MFSD11: variants seen among roughly 807,000 people sequenced by gnomAD.
MFSD11 encodes the protein major facilitator superfamily domain containing 11.
MFSD11 carries 36 observed loss-of-function variants against 53.5 expected under a neutral mutation model. That is an observed-to-expected ratio of 0.67 (90% CI 0.52 to 0.89). The LOEUF (loss-of-function observed/expected upper bound fraction) is 0.89. Ranked by LOEUF, MFSD11 falls within the 40% of genes least tolerant of loss-of-function variation. The pLI is 0.00. For synonymous variants in MFSD11, 186 were observed against 184.9 expected, an observed-to-expected ratio of 1.01 and a Z score of -0.05; for missense variants, 530 against 543.9, an observed-to-expected ratio of 0.97 and a Z score of 0.25.
intron 8 of MFSD11, among the ~76,000 whole-genome samples, chr17:76,756,122 A>ATTT (rs112392636): frequency 9.6e-6 from 1 of 103,760 alleles, no homozygotes. Flanking sequence ...CTGCACCCAG[A>ATTT]TTTTTTTTTT....
At chr17:76,743,557 AC>A (rs902174237) in intron 6 of MFSD11, 101 bp downstream of exon 6, 1 of 635,042 alleles carries the variant, frequency 1.6e-6, no homozygotes, top group African/African-American at 1.9e-5. Flanking sequence ...GTTCTCATGA[AC>A]CCCGACACCT....
At chr17:76,744,258 AC>A in intron 6 of MFSD11, 63 bp from the exon 7 acceptor site, 1 of 1,505,072 alleles carries the variant, frequency 6.6e-7, no homozygotes, top group Non-Finnish European at 8.9e-7. Context: ...CAGCCCTTGT[AC>A]CGTGATACTA....
At chr17:76,757,788 A>C (rs2079800361) in intron 8 of MFSD11, among the ~76,000 whole-genome samples, 1 of 152,070 alleles carries the variant, frequency 6.6e-6, no homozygotes, top group Non-Finnish European at 1.5e-5. Flanking sequence ...AGGCAGGTGG[A>C]TCACGAGGTC....
At chr17:76,781,286 G>A (rs571596253), downstream of MFSD11, 3 of 152,304 alleles carry the variant, frequency 2.0e-5, no homozygotes, top group East Asian at 1.9e-4. Flanking sequence ...ATCATGCTAC[G>A]GAGTAGTCCT....
At chr17:76,755,746 A>G (rs1018667956) in intron 8 of MFSD11, among the ~76,000 whole-genome samples, 11 of 125,794 alleles carry the variant, frequency 8.7e-5, no homozygotes, top group Non-Finnish European at 1.7e-4. Flanking sequence ...ATATGTATAT[A>G]TATGTGTATA....
downstream of MFSD11, among the ~76,000 whole-genome samples, chr17:76,780,416 T>C (rs1372558427): frequency 2.6e-5 from 4 of 151,930 alleles, no homozygotes; most frequent in Non-Finnish European, 5.9e-5. Flanking sequence ...GTGATCTTCT[T>C]GCCATGGCCT....
In MFSD11 at chr17:76,738,220, C is replaced by T; in HGVS notation, c.-133C>T. ...TTCCGATCCAGGAACTGGAAGTTGA[C>T]AGCTTGGCTGCCTGGCTCCTGCATC... On this transcript the variant is annotated 5_prime_UTR_variant, in exon 1 of 13. Coordinates refer to ENST00000685175, the MANE Select transcript of MFSD11 (RefSeq NM_001242532.5). 1.6e-6 allele frequency: 1 copy of T among 640,912 alleles called. No homozygotes were observed. The highest frequency in any genetic ancestry group is 2.8e-6 in the Non-Finnish European group (1 of 362,268). 39.7% of individuals were successfully genotyped at this position (640,912 alleles called of 1,614,324 possible).
downstream of MFSD11, among the ~76,000 whole-genome samples, chr17:76,785,529 A>G (rs549090851): frequency 2.0e-5 from 3 of 152,074 alleles, no homozygotes; most frequent in South Asian, 6.2e-4. Context: ...TTGTAAAGAC[A>G]GGGTTTCACC....
chr17:76,737,300 G>C (rs1159844361), upstream of MFSD11: 6 of 1,199,738 alleles, frequency 5.0e-6, no homozygotes, highest in African/African-American at 4.6e-5. Context: ...GCACGGACGG[G>C]CTCCGCAGGC....
At chr17:76,761,973 A>G (rs1049335561) in intron 8 of MFSD11, among the ~76,000 whole-genome samples, 9 of 152,110 alleles carry the variant, frequency 5.9e-5, no homozygotes, top group Non-Finnish European at 1.3e-4. Flanking sequence ...TAATCAATCT[A>G]AAGAATCCAT....
Position 76,738,949 on chromosome 17 carries a change from C to T in MFSD11, c.108C>T (p.Ile36=). ...QTCGNVAQTV[I]RSLNRTDFHG... is the part of the protein sequence containing the mutation. ...TATCTTCCACACAGCAAACTGTCATCAGGAGCTTAAATAGGACAGATTTTC... is the reference window on the plus strand; with the variant it reads ...TATCTTCCACACAGCAAACTGTCATTAGGAGCTTAAATAGGACAGATTTTC... Residue 36 remains isoleucine, a synonymous_variant, in exon 2 of 13, where the codon ATC becomes ATT. Transcript: ENST00000685175. 1 of 1,613,890 alleles carries T rather than the reference C, an allele frequency of 6.2e-7. No homozygotes were observed. Among genetic ancestry groups the T allele is most frequent in the Non-Finnish European group, 8.5e-7 (1 of 1,179,766 alleles).
chr17:76,760,551 C>T lies in MFSD11; in HGVS notation c.682+6464C>T, dbSNP rs982290897. On this transcript the variant is annotated intron_variant, in intron 8 of 12. Transcript: ENST00000685175. ...TCTTTTTTTTTTTTAAACGGAGTGTCGGGAGTTTCGCTCTTGTCACCCAGG... is the reference window on the plus strand; with the variant it reads ...TCTTTTTTTTTTTTAAACGGAGTGTTGGGAGTTTCGCTCTTGTCACCCAGG... Among the ~76,000 whole-genome samples the T allele has an allele frequency of 8.6e-5, 13 of 150,748 alleles. No individual in the cohort carries two copies. In the South Asian group the frequency reaches 1.3e-3, roughly 15 times the overall value.
chr17:76,746,449 G>A (rs2078549806), intron 7 of MFSD11, among the ~76,000 whole-genome samples: 1 of 152,166 alleles, frequency 6.6e-6, no homozygotes, highest in Admixed American at 6.6e-5. Flanking sequence ...TAAACAACAG[G>A]TTTTCAATGT....
chr17:76,769,612 G>T (rs2081203688), intron 9 of MFSD11, 134 bp from the exon 10 acceptor site: 1 of 617,404 alleles, frequency 1.6e-6, no homozygotes, highest in Non-Finnish European at 2.7e-6. Context: ...CTCTGCTTGG[G>T]GATTAATATT....
At chr17:76,754,353 G>T (rs1430603889) in intron 8 of MFSD11, 1 of 412,582 alleles carries the variant, frequency 2.4e-6, no homozygotes, top group Non-Finnish European at 4.4e-6. Flanking sequence ...TCTCCCTGAA[G>T]TTGAGAGTCT....
chr17:76,736,645 A>G (rs2143936963), upstream of MFSD11: 1 of 1,172,182 alleles, frequency 8.5e-7, no homozygotes, highest in East Asian at 3.2e-5. Flanking sequence ...CAGACGGCGG[A>G]AGCTCGCGGG....
intron 8 of MFSD11, among the ~76,000 whole-genome samples, chr17:76,765,452 CTTTTTTTTTTTTTTTTTTT>C (rs59878271): frequency 4.4e-5 from 4 of 91,498 alleles, no homozygotes; most frequent in African/African-American, 1.8e-4. Context: ...CTTGAATTTC[CTTTTTTTTTTTTTTTTTTT>C]TTTTTTTTTG....
At chr17:76,802,814 C>T in the MFSD11 span, among the ~76,000 whole-genome samples, 3 of 152,266 alleles carry the variant, frequency 2.0e-5, no homozygotes, top group South Asian at 4.1e-4. Context: ...CCACTCCTCT[C>T]ACCTTGGGGT....
chr17:76,750,307 G>C (rs1463107131), intron 7 of MFSD11, among the ~76,000 whole-genome samples: 2 of 151,440 alleles, frequency 1.3e-5, no homozygotes, highest in Admixed American at 6.6e-5. Flanking sequence ...TGAGTTTTAT[G>C]ATGAGGAAAA....
Sources: allele counts gnomAD v4.1 joint callset (sites outside exome capture counted in the v4.1 genomes callset), GRCh38; gene constraint gnomAD v4.1.1; transcripts MANE v1.5; gene names NCBI Gene and HGNC (gene_info 2026-07-23, HGNC 2026-07-21).